AUTS2: variants seen among roughly 807,000 people sequenced by gnomAD.
AUTS2 encodes the protein activator of transcription and developmental regulator AUTS2, also known as autism susceptibility gene 2 protein.
In AUTS2, 17 loss-of-function variants were observed where a neutral mutation model predicts 112.4. That is an observed-to-expected ratio of 0.15 (90% CI 0.10 to 0.23). The LOEUF is 0.23. AUTS2 is among the 10% of genes least tolerant of loss of function. AUTS2 has a pLI of 1.00. For missense variants in AUTS2, 1,510 were observed against 1,701.6 expected (o/e 0.89, Z 1.98); for synonymous variants, 751 against 702.7 (o/e 1.07, Z -1.09).
intron 4 of AUTS2, among the ~76,000 whole-genome samples, chr7:70,383,408 C>T (rs146202705): frequency 9.2e-5 from 14 of 152,248 alleles, no homozygotes; most frequent in African/African-American, 3.4e-4. Context: ...TTAAAAAAAA[C>T]AATTATTACT....
intron 1 of AUTS2, among the ~76,000 whole-genome samples, chr7:69,866,869 G>C (rs1458895200): frequency 6.6e-6 from 1 of 152,216 alleles, no homozygotes; most frequent in Admixed American, 6.5e-5. Flanking sequence ...AGTTGCTTAT[G>C]TTTAGTAAGC....
At chr7:70,315,959 A>G (rs1026605614) in intron 4 of AUTS2, among the ~76,000 whole-genome samples, 1 of 152,142 alleles carries the variant, frequency 6.6e-6, no homozygotes. Context: ...TCTCCTTTGT[A>G]CTTTCCAATC....
chr7:69,920,430 G>A (rs1257241652), intron 2 of AUTS2, among the ~76,000 whole-genome samples: 1 of 151,906 alleles, frequency 6.6e-6, no homozygotes, highest in African/African-American at 2.4e-5. Flanking sequence ...GGTACTACAG[G>A]TATGCACCAC....
In AUTS2 at chr7:70,230,133, T is replaced by C. The variant is rs1156255656; in HGVS notation, c.660+95562T>C. Among the ~76,000 whole-genome samples the C allele has an allele frequency of 2.0e-5, 3 of 152,188 alleles. No homozygotes were observed. The East Asian group carries it at 5.8e-4, about 29-fold the overall frequency. ...AATGGTAAAATTTTAATTTTTTGCA[T>C]GCCTAATATTTTTGCTGAAAACTGA... On this transcript the variant is annotated intron_variant, in intron 4 of 18. Transcript: ENST00000342771.
chr7:70,452,807 G>A (rs773218000), intron 5 of AUTS2, among the ~76,000 whole-genome samples: 2 of 152,124 alleles, frequency 1.3e-5, no homozygotes, highest in Admixed American at 6.5e-5. Flanking sequence ...AAGCACAGGC[G>A]GTGGGCCCCC....
chr7:69,778,983 T>C (rs1434766627), intron 1 of AUTS2, among the ~76,000 whole-genome samples: 1 of 149,228 alleles, frequency 6.7e-6, no homozygotes, highest in Admixed American at 6.7e-5. Flanking sequence ...ACATTTCATC[T>C]CTTTAAGCCT....
intron 5 of AUTS2, among the ~76,000 whole-genome samples, chr7:70,656,896 A>G (rs757606539): frequency 1.4e-5 from 2 of 147,620 alleles, no homozygotes; most frequent in African/African-American, 5.2e-5. Context: ...ACATCCTACA[A>G]GCTAAGGTGT....
chr7:69,599,290 A>G lies in AUTS2; in HGVS notation c.-364A>G, dbSNP rs993265275. ...TCAAAGCATTCCGCTATTCTGATTTATTGCTTGCTTGGTGAGTTATTTTTT... is the reference window on the plus strand; with the variant it reads ...TCAAAGCATTCCGCTATTCTGATTTGTTGCTTGCTTGGTGAGTTATTTTTT... On this transcript the variant is annotated 5_prime_UTR_variant, in exon 1 of 19. Coordinates refer to ENST00000342771, the MANE Select transcript of AUTS2 (RefSeq NM_015570.4). The surrounding 1 kb of genome is among the most constrained non-coding windows in gnomAD (Gnocchi z 7.0). 5.5e-6 allele frequency: 1 copy of G among 183,016 alleles called. No homozygotes were observed. The highest frequency in any genetic ancestry group is 1.1e-5 in the Non-Finnish European group (1 of 88,648). 11.3% of individuals were successfully genotyped at this position (183,016 alleles called of 1,614,324 possible).
chr7:69,770,111 T>TCA (rs1788597691), intron 1 of AUTS2, among the ~76,000 whole-genome samples: 1 of 152,200 alleles, frequency 6.6e-6, no homozygotes, highest in African/African-American at 2.4e-5. Context: ...GGGCTACACA[T>TCA]CACAGCATGC....
At chr7:69,805,464 G>C (rs1386974805) in intron 1 of AUTS2, among the ~76,000 whole-genome samples, 1 of 152,190 alleles carries the variant, frequency 6.6e-6, no homozygotes, top group African/African-American at 2.4e-5. Context: ...AATGAAAGAG[G>C]CTTCATATCC....
chr7:69,927,866 G>A (rs773790138), intron 2 of AUTS2, among the ~76,000 whole-genome samples: 5 of 152,210 alleles, frequency 3.3e-5, no homozygotes, highest in Non-Finnish European at 5.9e-5. Context: ...TGCAGAGACC[G>A]CCAGGAACCA....
At chr7:70,712,877 T>C (rs1810137822) in intron 6 of AUTS2, among the ~76,000 whole-genome samples, 1 of 152,192 alleles carries the variant, frequency 6.6e-6, no homozygotes, top group Non-Finnish European at 1.5e-5. Flanking sequence ...CTCCATATCC[T>C]GGGCTCAGGC....
chr7:70,754,435 G>T (rs1354354087), intron 6 of AUTS2, among the ~76,000 whole-genome samples: 1 of 152,168 alleles, frequency 6.6e-6, no homozygotes, highest in Non-Finnish European at 1.5e-5. Context: ...GCTGCAGTCT[G>T]CTGTGATTGC....
At chr7:70,136,417 T>TA (rs1562728808) in intron 4 of AUTS2, among the ~76,000 whole-genome samples, 1 of 152,240 alleles carries the variant, frequency 6.6e-6, no homozygotes, top group Non-Finnish European at 1.5e-5. Flanking sequence ...AATCCATTGA[T>TA]ATTGTTGCCC....
chr7:70,695,701 G>T (rs1269363782), intron 5 of AUTS2, among the ~76,000 whole-genome samples: 1 of 145,286 alleles, frequency 6.9e-6, no homozygotes, highest in Non-Finnish European at 1.6e-5. Flanking sequence ...CCGCGTTCCC[G>T]CCTCCAATCT....
At chr7:70,366,321 C>A (rs1792567646) in intron 4 of AUTS2, among the ~76,000 whole-genome samples, 1 of 151,966 alleles carries the variant, frequency 6.6e-6, no homozygotes, top group African/African-American at 2.4e-5. Flanking sequence ...AAGGACGTAG[C>A]TAAAGCGGCT....
rs1320094475 is a variant in AUTS2, at chr7:69,614,387, A to C, written c.309+14425A>C. On this transcript the variant is annotated intron_variant, in intron 1 of 18. Coordinates refer to ENST00000342771, the MANE Select transcript of AUTS2 (RefSeq NM_015570.4). Reference sequence around the variant, plus strand: ...TTCTTTTTTTAAGAGATGGGATCTCACTCTGTTTCCCAGGCTGGAGTGCAG... The same window carrying C: ...TTCTTTTTTTAAGAGATGGGATCTCCCTCTGTTTCCCAGGCTGGAGTGCAG... 5.3e-4 allele frequency among the ~76,000 whole-genome samples: 13 copies of C among 24,428 alleles called. 1 individual carries two copies. Among genetic ancestry groups the C allele is most frequent in the East Asian group, 3.1e-3 (2 of 642 alleles). 16.0% of individuals were successfully genotyped at this position (24,428 alleles called of 152,430 possible).
chr7:69,623,989 A>G (rs552527347), intron 1 of AUTS2, among the ~76,000 whole-genome samples: 1 of 152,352 alleles, frequency 6.6e-6, no homozygotes, highest in African/African-American at 2.4e-5. Flanking sequence ...AAGTGAAAAA[A>G]GCATTGTCTT....
At chr7:70,117,104 G>GTTTTGTTTTTTTTTTTTTTTTT (rs1562710088) in intron 2 of AUTS2, among the ~76,000 whole-genome samples, 1 of 78,460 alleles carries the variant, frequency 1.3e-5, no homozygotes, top group Non-Finnish European at 2.7e-5. Flanking sequence ...GATGACTTTT[G>GTTTTGTTTTTTTTTTTTTTTTT]TTTTTTTTTT....
Sources: allele counts gnomAD v4.1 joint callset (sites outside exome capture counted in the v4.1 genomes callset), GRCh38; gene constraint gnomAD v4.1.1; non-coding constraint Gnocchi (gnomAD v3.1); transcripts MANE v1.5; gene names NCBI Gene and HGNC (gene_info 2026-07-23, HGNC 2026-07-21).